The following PKHD1L1 variants were observed in gnomAD, a reference collection of about 807,000 sequenced individuals.
PKHD1L1 encodes the protein PKHD1 like 1.
A neutral mutation model predicts 462.9 loss-of-function variants in PKHD1L1; 434 were observed. The observed-to-expected ratio is 0.94, with a 90% CI of 0.87 to 1.02. The LOEUF (loss-of-function observed/expected upper bound fraction) is 1.02, where lower values mean the gene tolerates loss of function less well. Among genes scored for constraint, PKHD1L1 ranks in the 50% least tolerant of loss-of-function variants. PKHD1L1 has a pLI of 0.00. For synonymous variants in PKHD1L1, 1,781 were observed against 1,750.0 expected (o/e 1.02, Z -0.44); for missense variants, 5,202 against 5,096.1 (o/e 1.02, Z -0.63).
chr8:109,395,326 T>A (rs1195046691), intron 10 of PKHD1L1, among the ~76,000 whole-genome samples: 1 of 152,058 alleles, frequency 6.6e-6, no homozygotes, highest in Non-Finnish European at 1.5e-5. Flanking sequence ...ACACAAATCA[T>A]CCTGAGAAAA....
Position 109,444,670 on chromosome 8 carries a change from G to T in PKHD1L1, c.4801G>T (p.Gly1601Cys), listed in dbSNP as rs192238636. 1.4e-4 allele frequency: 223 copies of T among 1,611,024 alleles called. No homozygotes were observed. Among genetic ancestry groups the T allele is most frequent in the Non-Finnish European group, 1.7e-4 (200 of 1,177,774 alleles). The change falls in exon 38 of 78, where the codon GGT becomes TGT. Residue 1601 changes from glycine (G) to cysteine (C), a missense_variant. Physicochemically the swap from Gly to Cys is radical, Grantham distance 159. Around this residue, in one of 3 missense-constraint regions of PKHD1L1, gnomAD observed 4,497 missense variants for 4,336.8 expected, o/e 1.04. Coordinates refer to ENST00000378402, the MANE Select transcript of PKHD1L1 (RefSeq NM_177531.6). ...TTCATTTTACTTACAGGTTACAATT[G>T]GTAGCTACCCCTGTGTCGTAGAAGA... Reference protein sequence around the residue: ...NLPWANKVTIGSYPCVVEESS... With the variant: ...NLPWANKVTICSYPCVVEESS...
intron 4 of PKHD1L1, among the ~76,000 whole-genome samples, chr8:109,383,555 AT>A (rs1361679214): frequency 6.8e-6 from 1 of 146,992 alleles, no homozygotes; most frequent in East Asian, 1.9e-4. Flanking sequence ...GAGTAGTACA[AT>A]GTTCTAATAT....
chr8:109,373,498 A>T (rs1312119900), intron 2 of PKHD1L1, among the ~76,000 whole-genome samples: 1 of 151,606 alleles, frequency 6.6e-6, no homozygotes, highest in Non-Finnish European at 1.5e-5. Context: ...TTGTGTCTCT[A>T]TTTCCTTCAG....
chr8:109,476,815 T>A, intron 52 of PKHD1L1, 148 bp downstream of exon 52: 1 of 712,450 alleles, frequency 1.4e-6, no homozygotes, highest in Non-Finnish European at 2.1e-6. Flanking sequence ...GGAGACAAAA[T>A]TTATTCTTGA....
intron 76 of PKHD1L1, among the ~76,000 whole-genome samples, chr8:109,526,159 T>G (rs1422254733): frequency 6.6e-6 from 1 of 152,192 alleles, no homozygotes; most frequent in Non-Finnish European, 1.5e-5. Context: ...ATTTTTACAT[T>G]CTAAACACAA....
At chr8:109,430,889 G>A (rs1309197515) in intron 27 of PKHD1L1, among the ~76,000 whole-genome samples, 1 of 151,904 alleles carries the variant, frequency 6.6e-6, no homozygotes, top group East Asian at 1.9e-4. Context: ...ACAAGAATAA[G>A]GATTTGATGA....
At chr8:109,458,107 T>C (rs1816919871) in intron 46 of PKHD1L1, among the ~76,000 whole-genome samples, 1 of 152,188 alleles carries the variant, frequency 6.6e-6, no homozygotes, top group Admixed American at 6.6e-5. Flanking sequence ...ACTGCTTAAA[T>C]ATTATATGCT....
chr8:109,365,363 GC>G (rs1811177702), intron 2 of PKHD1L1, among the ~76,000 whole-genome samples: 1 of 152,054 alleles, frequency 6.6e-6, no homozygotes, highest in Non-Finnish European at 1.5e-5. Flanking sequence ...AGTTTTCATA[GC>G]TAACAAAGAT....
intron 50 of PKHD1L1, chr8:109,471,239 G>A (rs1817699788): frequency 1.8e-6 from 1 of 550,470 alleles, no homozygotes; most frequent in East Asian, 3.3e-5. Flanking sequence ...GGTTTTATGA[G>A]TTCTTCTTTT....
chr8:109,413,939 G>A lies in PKHD1L1; in HGVS notation c.2360+394G>A, dbSNP rs141755089. On this transcript the variant is annotated intron_variant, in intron 21 of 77. Coordinates refer to ENST00000378402, the MANE Select transcript of PKHD1L1 (RefSeq NM_177531.6). ...AGTTTGATCACTGAAAAAAAAGGAA[G>A]TAGAGAGATTTTGAAATAATGCTTG... 6.6e-5 allele frequency among the ~76,000 whole-genome samples: 10 copies of A among 152,174 alleles called. No homozygotes were observed. In the East Asian group the frequency reaches 1.9e-3, roughly 29 times the overall value.
In PKHD1L1 at chr8:109,444,812, C is replaced by G; in HGVS notation, c.4943C>G (p.Ser1648Cys). The G allele has an allele frequency of 1.2e-6, 2 of 1,613,948 alleles. No homozygotes were observed. Among genetic ancestry groups the G allele is most frequent in the Non-Finnish European group, 1.7e-6 (2 of 1,179,872 alleles). Residue 1648 changes from serine (S) to cysteine (C), a missense_variant, in exon 38 of 78, where the codon TCC (serine) becomes TGC (cysteine). Around this residue, in one of 3 missense-constraint regions of PKHD1L1, gnomAD observed 4,497 missense variants for 4,336.8 expected, o/e 1.04. Coordinates refer to ENST00000378402, the MANE Select transcript of PKHD1L1 (RefSeq NM_177531.6). ...CTGGGCACTGCTATCAATACGTTGT[C>G]CAATGAATTTGATAGGCGATTTGTA... Reference protein sequence around the residue: ...YNLGTAINTLSNEFDRRFVLL... With the variant: ...YNLGTAINTLCNEFDRRFVLL...
At chr8:109,432,000 C>T (rs1224589656) in intron 27 of PKHD1L1, among the ~76,000 whole-genome samples, 2 of 152,112 alleles carry the variant, frequency 1.3e-5, no homozygotes, top group African/African-American at 4.8e-5. Context: ...TTTAACTATT[C>T]CGATGGGTGA....
intron 73 of PKHD1L1, among the ~76,000 whole-genome samples, chr8:109,519,596 T>C (rs1820445065): frequency 6.6e-6 from 1 of 152,046 alleles, no homozygotes; most frequent in East Asian, 1.9e-4. Context: ...GATCTAGGTG[T>C]ACCCCTCCCC....
chr8:109,428,023 CAAAAAAAAAA>C (rs55963339), intron 25 of PKHD1L1, among the ~76,000 whole-genome samples: 1 of 70,246 alleles, frequency 1.4e-5, no homozygotes. Flanking sequence ...AACTCCGTCT[CAAAAAAAAAA>C]AAAAAAAAAA....
intron 58 of PKHD1L1, among the ~76,000 whole-genome samples, chr8:109,485,497 G>C (rs978199690): frequency 6.6e-6 from 1 of 151,968 alleles, no homozygotes; most frequent in Non-Finnish European, 1.5e-5. Context: ...TGATCCAAAA[G>C]CCTTGTCCTA....
At chr8:109,507,964 A>G (rs1819779994) in intron 69 of PKHD1L1, 69 bp downstream of exon 69, 6 of 1,550,276 alleles carry the variant, frequency 3.9e-6, no homozygotes, top group Non-Finnish European at 5.3e-6. Context: ...TTTATTTTTA[A>G]TGACTTGCCT....
chr8:109,456,837 T>C (rs1023296614), intron 46 of PKHD1L1, among the ~76,000 whole-genome samples: 3 of 152,178 alleles, frequency 2.0e-5, no homozygotes, highest in South Asian at 4.1e-4. Context: ...AACTCTCTTA[T>C]CTTACAGCCT....
intron 25 of PKHD1L1, among the ~76,000 whole-genome samples, chr8:109,428,714 C>T (rs1441671604): frequency 6.6e-6 from 1 of 152,146 alleles, no homozygotes; most frequent in Non-Finnish European, 1.5e-5. Flanking sequence ...TGTTTCTGTT[C>T]CATATCATTT....
intron 2 of PKHD1L1, among the ~76,000 whole-genome samples, chr8:109,381,090 G>A (rs183610764): frequency 6.6e-6 from 1 of 152,230 alleles, no homozygotes; most frequent in Non-Finnish European, 1.5e-5. Flanking sequence ...TTGAACATTT[G>A]TGGATTTTGT....
Sources: allele counts gnomAD v4.1 joint callset (sites outside exome capture counted in the v4.1 genomes callset), GRCh38; gene constraint gnomAD v4.1.1; regional missense constraint gnomAD v4.1.1; transcripts MANE v1.5; gene names NCBI Gene and HGNC (gene_info 2026-07-23, HGNC 2026-07-21).